GPC5: variants seen among roughly 807,000 people sequenced by gnomAD.
GPC5 encodes glypican 5.
GPC5 carries 47 observed loss-of-function variants against 53.9 expected under a neutral mutation model. That is an observed-to-expected ratio of 0.87 (90% CI 0.69 to 1.11). The LOEUF is 1.11. GPC5 is among the 50% of genes most tolerant of loss of function. The pLI is 0.00. For synonymous variants in GPC5, 286 were observed against 263.3 expected (o/e 1.09, Z -0.84); for missense variants, 748 against 713.1 (o/e 1.05, Z -0.56).
At chr13:91,947,409 A>G (rs1692635455) in intron 6 of GPC5, among the ~76,000 whole-genome samples, 1 of 152,204 alleles carries the variant, frequency 6.6e-6, no homozygotes, top group Admixed American at 6.5e-5. Context: ...CTTCTGGGTT[A>G]CAACTTATGT....
chr13:91,944,885 C>T (rs1409416714), intron 6 of GPC5, among the ~76,000 whole-genome samples: 8 of 152,072 alleles, frequency 5.3e-5, no homozygotes, highest in Non-Finnish European at 8.8e-5. Context: ...CTCAATATTT[C>T]CCCCCATTTT....
At chr13:92,043,106 C>G (rs898164044) in intron 6 of GPC5, among the ~76,000 whole-genome samples, 1 of 151,932 alleles carries the variant, frequency 6.6e-6, no homozygotes, top group South Asian at 2.1e-4. Context: ...GGAAAATGAA[C>G]AGAATATCGA....
intron 7 of GPC5, 149 bp downstream of exon 7, chr13:92,145,138 G>A (rs1279584783): frequency 1.6e-6 from 1 of 611,402 alleles, no homozygotes; most frequent in African/African-American, 1.9e-5. Flanking sequence ...GGTTTTTTAG[G>A]ACATACATTC....
At position 92,381,869 on chromosome 13, in the gene GPC5, C is replaced by CATATATATGATTAT. The variant is rs2043744665; in HGVS notation, c.1561+236887_1561+236900dup. Among the ~76,000 whole-genome samples, 3 of 107,384 alleles carry CATATATATGATTAT rather than the reference C, an allele frequency of 2.8e-5. No individual in the cohort carries two copies. The South Asian group carries it at 8.4e-4, about 30-fold the overall frequency. 70.4% of individuals were successfully genotyped at this position (107,384 alleles called of 152,430 possible). ...TATGATCATATATGATTATATATAT[C>CATATATATGATTAT]ATATATATGATTATATATATTATAT... On this transcript the variant is annotated intron_variant, in intron 7 of 7. Transcript: ENST00000377067.
chr13:92,530,950 T>C (rs1375445960), intron 7 of GPC5, among the ~76,000 whole-genome samples: 1 of 152,212 alleles, frequency 6.6e-6, no homozygotes, highest in African/African-American at 2.4e-5. Flanking sequence ...TCCTGTCACT[T>C]TCTGCTTAAA....
At chr13:92,389,969 A>G (rs1874917939) in intron 7 of GPC5, among the ~76,000 whole-genome samples, 1 of 152,184 alleles carries the variant, frequency 6.6e-6, no homozygotes, top group Non-Finnish European at 1.5e-5. Context: ...CACTTTGCCA[A>G]ATAAAACTGG....
chr13:92,095,600 T>C (rs2041415820), intron 6 of GPC5, among the ~76,000 whole-genome samples: 1 of 152,300 alleles, frequency 6.6e-6, no homozygotes, highest in South Asian at 2.1e-4. Flanking sequence ...AACGGAACCA[T>C]CTCGGCTCAC....
At chr13:92,503,689 A>G (rs968245271) in intron 7 of GPC5, among the ~76,000 whole-genome samples, 9 of 151,938 alleles carry the variant, frequency 5.9e-5, no homozygotes, top group African/African-American at 2.2e-4. Flanking sequence ...TAGATAGACT[A>G]TCACTACAGA....
chr13:92,454,991 A>G (rs1332111620), intron 7 of GPC5, among the ~76,000 whole-genome samples: 1 of 152,192 alleles, frequency 6.6e-6, no homozygotes. Context: ...GATGAGCTGT[A>G]TCTTTTTCAT....
At chr13:92,021,650 C>T (rs1437009085) in intron 6 of GPC5, among the ~76,000 whole-genome samples, 1 of 152,126 alleles carries the variant, frequency 6.6e-6, no homozygotes, top group African/African-American at 2.4e-5. Context: ...AAATAAAAAT[C>T]CTACTTACAG....
intron 7 of GPC5, among the ~76,000 whole-genome samples, chr13:92,601,032 C>A (rs570785802): frequency 1.3e-5 from 2 of 152,114 alleles, no homozygotes; most frequent in Non-Finnish European, 2.9e-5. Flanking sequence ...TGATTTCTAT[C>A]CCAACCACTT....
At chr13:92,273,350 C>T (rs1246099816) in intron 7 of GPC5, among the ~76,000 whole-genome samples, 2 of 152,072 alleles carry the variant, frequency 1.3e-5, no homozygotes, top group African/African-American at 4.8e-5. Flanking sequence ...CTGAGTCCAT[C>T]TCTAATCTCC....
At chr13:92,525,279 G>A (rs917178638) in intron 7 of GPC5, among the ~76,000 whole-genome samples, 30 of 151,978 alleles carry the variant, frequency 2.0e-4, no homozygotes, top group Admixed American at 1.4e-3. Context: ...GAGATTTTGC[G>A]CTGTTTATCA....
intron 7 of GPC5, among the ~76,000 whole-genome samples, chr13:92,173,806 G>A (rs114975937): frequency 0.013 from 1,915 of 152,220 alleles, 34 homozygotes; most frequent in African/African-American, 0.044. Flanking sequence ...AATGTGGAAG[G>A]CAATATTAAG....
intron 7 of GPC5, among the ~76,000 whole-genome samples, chr13:92,440,837 C>CTGA (rs987066001): frequency 6.6e-6 from 1 of 152,110 alleles, no homozygotes; most frequent in Non-Finnish European, 1.5e-5. Flanking sequence ...TTGCGTTTCT[C>CTGA]TGATGATGAG....
At chr13:92,163,292 C>T (rs976209875) in intron 7 of GPC5, among the ~76,000 whole-genome samples, 1 of 151,914 alleles carries the variant, frequency 6.6e-6, no homozygotes, top group African/African-American at 2.4e-5. Context: ...GAAACCCCAT[C>T]TCTAGTAAAA....
Position 91,398,918 on chromosome 13 carries a change from C to T in GPC5, c.-129C>T. On this transcript the variant is annotated 5_prime_UTR_variant, in exon 1 of 8. Transcript: ENST00000377067. ...GTGAAGCCGGTGCCCGCGGGCGGTC[C>T]GTACACCCCGCAGCCGGCTCGCACC... The T allele has an allele frequency of 1.6e-6, 2 of 1,237,592 alleles. No homozygotes were observed. The highest frequency in any genetic ancestry group is 2.2e-6 in the Non-Finnish European group (2 of 922,790). 76.7% of individuals were successfully genotyped at this position (1,237,592 alleles called of 1,614,324 possible).
intron 6 of GPC5, among the ~76,000 whole-genome samples, chr13:91,917,272 A>G (rs187796063): frequency 6.6e-6 from 1 of 152,208 alleles, no homozygotes; most frequent in African/African-American, 2.4e-5. Context: ...ATTAAACCTT[A>G]AAGTTCCCAA....
At chr13:91,504,902 A>G (rs1884860777) in intron 2 of GPC5, among the ~76,000 whole-genome samples, 1 of 152,116 alleles carries the variant, frequency 6.6e-6, no homozygotes, top group Non-Finnish European at 1.5e-5. Flanking sequence ...GCAGTGAGCT[A>G]TGACTTTGTC....
Sources: allele counts gnomAD v4.1 joint callset (sites outside exome capture counted in the v4.1 genomes callset), GRCh38; gene constraint gnomAD v4.1.1; transcripts MANE v1.5; gene names NCBI Gene and HGNC (gene_info 2026-07-23, HGNC 2026-07-21).